TNR: variants seen among roughly 807,000 people sequenced by gnomAD.
The protein encoded by TNR is tenascin R.
In TNR, 45 loss-of-function variants were observed where a neutral mutation model predicts 150.4. The observed-to-expected ratio is 0.30, with a 90% CI of 0.24 to 0.38. TNR has a LOEUF of 0.38. Among genes scored for constraint, TNR ranks in the 10% least tolerant of loss-of-function variants. The probability of loss-of-function intolerance (pLI) is 1.00; values close to 1 mark genes in which losing one functional copy is unlikely to be tolerated. For synonymous variants in TNR, 687 were observed against 678.4 expected (o/e 1.01, Z -0.20); for missense variants, 1,544 against 1,759.1 (o/e 0.88, Z 2.19).
At chr1:175,431,992 G>A (rs1655292436) in intron 2 of TNR, among the ~76,000 whole-genome samples, 1 of 143,710 alleles carries the variant, frequency 7.0e-6, no homozygotes, top group South Asian at 2.3e-4. Flanking sequence ...CTTCTTCCAA[G>A]GCTTGAGACC....
At chr1:175,400,019 T>A (rs1422837297) in intron 4 of TNR, among the ~76,000 whole-genome samples, 1 of 152,224 alleles carries the variant, frequency 6.6e-6, no homozygotes, top group Non-Finnish European at 1.5e-5. Context: ...GCTTTCTGGA[T>A]TGTCTCAAGA....
intron 1 of TNR, among the ~76,000 whole-genome samples, chr1:175,540,282 T>C (rs1475733775): frequency 6.6e-6 from 1 of 152,210 alleles, no homozygotes; most frequent in Non-Finnish European, 1.5e-5. Context: ...CACCTTTCCC[T>C]GCAGCTGAGC....
intron 2 of TNR, among the ~76,000 whole-genome samples, chr1:175,527,898 C>T (rs865965703): frequency 1.4e-4 from 22 of 152,186 alleles, no homozygotes; most frequent in Middle Eastern, 3.4e-3. Context: ...AATTTTAGAG[C>T]GAGACTGGTG....
intron 8 of TNR, among the ~76,000 whole-genome samples, chr1:175,384,704 G>T (rs1248550837): frequency 6.6e-6 from 1 of 152,178 alleles, no homozygotes; most frequent in Non-Finnish European, 1.5e-5. Flanking sequence ...TGTTCCGAGG[G>T]TTCAGGCACC....
chr1:175,470,627 T>C (rs1657245660), intron 2 of TNR, among the ~76,000 whole-genome samples: 1 of 152,206 alleles, frequency 6.6e-6, no homozygotes, highest in Non-Finnish European at 1.5e-5. Flanking sequence ...ATCTATCCCT[T>C]CAAACATTCT....
chr1:175,377,882 T>C (rs1652485004), intron 9 of TNR, among the ~76,000 whole-genome samples: 2 of 152,330 alleles, frequency 1.3e-5, no homozygotes, highest in Admixed American at 1.3e-4. Flanking sequence ...ATCTCCTTTA[T>C]CTGAAAACCA....
chr1:175,705,507 G>C (rs563333560), intron 1 of TNR, among the ~76,000 whole-genome samples: 5 of 152,108 alleles, frequency 3.3e-5, no homozygotes, highest in Admixed American at 1.3e-4. Flanking sequence ...GAAAGAAAAA[G>C]TTGGTGCATT....
At chr1:175,385,848 T>A (rs1402806935) in intron 8 of TNR, among the ~76,000 whole-genome samples, 184 bp downstream of exon 8, 2 of 152,208 alleles carry the variant, frequency 1.3e-5, no homozygotes, top group East Asian at 3.8e-4. Context: ...CCTCTCCTAG[T>A]GAGGGAGCGC....
intron 21 of TNR, among the ~76,000 whole-genome samples, chr1:175,329,705 C>T (rs1649618916): frequency 6.6e-6 from 1 of 152,210 alleles, no homozygotes; most frequent in Admixed American, 6.5e-5. Flanking sequence ...CATAAGAGCC[C>T]ATAGTGACTA....
At chr1:175,332,862 C>G (rs933569093) in intron 20 of TNR, among the ~76,000 whole-genome samples, 2 of 152,158 alleles carry the variant, frequency 1.3e-5, no homozygotes, top group Admixed American at 1.3e-4. Context: ...ACAGTGTTAC[C>G]CAGTGTGGAT....
chr1:175,627,352 A>G (rs1664186213), intron 1 of TNR, among the ~76,000 whole-genome samples: 1 of 152,200 alleles, frequency 6.6e-6, no homozygotes, highest in African/African-American at 2.4e-5. Context: ...ACTTGTTCTC[A>G]TTTATAAAAC....
intron 1 of TNR, among the ~76,000 whole-genome samples, chr1:175,726,050 C>A (rs1019628018): frequency 6.6e-6 from 1 of 152,124 alleles, no homozygotes; most frequent in South Asian, 2.1e-4. Context: ...GTTTCCAGCA[C>A]GTCTTTCATA....
intron 1 of TNR, among the ~76,000 whole-genome samples, chr1:175,567,643 G>C (rs1054126469): frequency 5.3e-5 from 8 of 152,224 alleles, no homozygotes; most frequent in African/African-American, 1.7e-4. Context: ...TTGTGGAAGA[G>C]AGTGGGGAGT....
chr1:175,404,249 T>G (rs1653850712), intron 3 of TNR, among the ~76,000 whole-genome samples: 1 of 152,196 alleles, frequency 6.6e-6, no homozygotes, highest in Non-Finnish European at 1.5e-5. Context: ...AGGTATAGGC[T>G]GAGCACTGAG....
chr1:175,520,414 G>A (rs992593), intron 2 of TNR, among the ~76,000 whole-genome samples: 96,844 of 152,066 alleles, frequency 0.64, 31,511 homozygotes, highest in African/African-American at 0.77. Context: ...TTCTTCCTCA[G>A]GCCTAACAAA....
chr1:175,653,085 C>A (rs1665051710), intron 1 of TNR, among the ~76,000 whole-genome samples: 1 of 152,178 alleles, frequency 6.6e-6, no homozygotes, highest in South Asian at 2.1e-4. Flanking sequence ...GCGTAAAGGG[C>A]ACAGCGACTC....
At chr1:175,465,092 C>T (rs552796586) in intron 2 of TNR, among the ~76,000 whole-genome samples, 6 of 152,306 alleles carry the variant, frequency 3.9e-5, no homozygotes, top group Admixed American at 3.9e-4. Flanking sequence ...GGCATCCACC[C>T]AGGCATCATG....
chr1:175,425,677 C>T (rs1311560296), intron 2 of TNR, among the ~76,000 whole-genome samples: 2 of 152,168 alleles, frequency 1.3e-5, no homozygotes, highest in African/African-American at 4.8e-5. Flanking sequence ...GCAATGGGAT[C>T]TGTTTGCACC....
rs1557867925 is a variant in TNR at position 175,331,067 on chromosome 1, T to TTCTTTCCTTC, written c.3632-833_3632-832insGAAGGAAAGA. The stretch of plus-strand genomic sequence containing the variant: ...TTTCTTTCTTTCTTTCTTTCTTTCT[T>TTCTTTCCTTC]TCTTTCTTTCCTTCTTTCTTTCTTT... On this transcript the variant is annotated intron_variant, in intron 20 of 22. Transcript: ENST00000367674. 9.3e-5 allele frequency among the ~76,000 whole-genome samples: 12 copies of TTCTTTCCTTC among 128,834 alleles called. No homozygotes were observed. The East Asian group carries it at 1.1e-3, about 12-fold the overall frequency. The allele number at this position is 128,834 out of a possible 152,430, so 84.5% of individuals were successfully genotyped here.
Sources: allele counts gnomAD v4.1 joint callset (sites outside exome capture counted in the v4.1 genomes callset), GRCh38; gene constraint gnomAD v4.1.1; transcripts MANE v1.5; gene names NCBI Gene and HGNC (gene_info 2026-07-23, HGNC 2026-07-21).